The following GDF6 variants were observed in gnomAD, a reference collection of about 807,000 sequenced individuals.
The protein encoded by GDF6 is growth differentiation factor 6.
Under a neutral mutation model 32.4 loss-of-function variants are expected in GDF6, and 3 were observed. The ratio of observed to expected loss-of-function variants is 0.09; its 90% CI spans 0.04 to 0.24. The LOEUF is 0.24. Ranked by LOEUF, GDF6 falls within the 10% of genes least tolerant of loss-of-function variation. GDF6 has a pLI of 1.00. For missense variants in GDF6, 589 were observed against 637.9 expected, an observed-to-expected ratio of 0.92 and a Z score of 0.83; for synonymous variants, 296 against 295.3, an observed-to-expected ratio of 1.00 and a Z score of -0.03.
intron 1 of GDF6, among the ~76,000 whole-genome samples, chr8:96,158,411 A>T (rs1363123069): frequency 6.6e-6 from 1 of 152,194 alleles, no homozygotes; most frequent in Non-Finnish European, 1.5e-5. Context: ...CCCTTGTCTG[A>T]ATGCCACAGG....
rs1369101524 is a variant in GDF6, at chr8:96,160,795, G to A, written c.-103C>T. ...CGGCCGGGGCCCGGCTCCTCGGGCG[G>A]ACTCGGAGTGCGAGGAGCCGGGTCC... is the stretch of plus-strand genomic sequence containing the variant. On this transcript the variant is annotated 5_prime_UTR_variant, in exon 1 of 2. Coordinates refer to ENST00000287020, the MANE Select transcript of GDF6 (RefSeq NM_001001557.4). 4.5e-6 allele frequency: 5 copies of A among 1,120,138 alleles called. No individual in the cohort carries two copies. The highest frequency in any genetic ancestry group is 1.6e-5 in the African/African-American group (1 of 61,510). The allele number at this position is 1,120,138 out of a possible 1,614,324, so 69.4% of individuals were successfully genotyped here. A position where few individuals can be genotyped will look rare whatever the true frequency, so the allele number is the denominator to read the frequency against.
chr8:96,160,494 G>C lies in GDF6; in HGVS notation c.199C>G (p.Pro67Ala). The C allele has an allele frequency of 6.2e-7, 1 of 1,612,968 alleles. No homozygotes were observed. The highest frequency in any genetic ancestry group is 8.5e-7 in the Non-Finnish European group (1 of 1,179,476). Reference sequence around the variant, plus strand: ...GGTTCGTCCTGAGGCCGCGGCTGTGGTTCCTGGCCCTCCCGGCCCGCGTCA... The same window carrying C: ...GGTTCGTCCTGAGGCCGCGGCTGTGCTTCCTGGCCCTCCCGGCCCGCGTCA... ...DSDAGREGQE[P>A]QPRPQDEPRA... is the part of the protein sequence containing the mutation. Residue 67 changes from proline (P) to alanine (A), a missense_variant, in exon 1 of 2, where the codon CCA becomes GCA. Physicochemically the swap from Pro to Ala is conservative, Grantham distance 27. Coordinates refer to ENST00000287020, the MANE Select transcript of GDF6 (RefSeq NM_001001557.4).
intron 1 of GDF6, among the ~76,000 whole-genome samples, chr8:96,153,124 T>G (rs1419210750): frequency 6.6e-6 from 1 of 152,368 alleles, no homozygotes; most frequent in East Asian, 1.9e-4. Context: ...CAGTGCTGGC[T>G]GGGGAGAAGC....
intron 1 of GDF6, among the ~76,000 whole-genome samples, chr8:96,155,245 C>A: frequency 6.6e-6 from 1 of 152,386 alleles, no homozygotes; most frequent in African/African-American, 2.4e-5. Flanking sequence ...GGAAACTCGC[C>A]AAGAATCCCT....
Position 96,142,489 on chromosome 8 carries a change from C to A in GDF6, c.*2074G>T, listed in dbSNP as rs1812389216. On this transcript the variant is annotated 3_prime_UTR_variant, in exon 2 of 2. Coordinates refer to ENST00000287020, the MANE Select transcript of GDF6 (RefSeq NM_001001557.4). ...AGGTAGACAGTTTAAAAAAAACTCT[C>A]CATTAGACAGACTTAAAATTTTGTA... The A allele has an allele frequency of 6.6e-6, 1 of 152,364 alleles. No individual in the cohort carries two copies. Among genetic ancestry groups the A allele is most frequent in the African/African-American group, 2.4e-5 (1 of 41,390 alleles). 9.4% of individuals were successfully genotyped at this position (152,364 alleles called of 1,614,324 possible).
At position 96,145,219 on chromosome 8, in the gene GDF6, C is replaced by CTGG; in HGVS notation, c.711_712insCCA (p.Trp237_Gly238insPro). 2 of 1,511,474 alleles carry CTGG rather than the reference C, an allele frequency of 1.3e-6. No homozygotes were observed. Among genetic ancestry groups the CTGG allele is most frequent in the African/African-American group, 2.9e-5 (2 of 69,642 alleles). 93.6% of individuals were successfully genotyped at this position (1,511,474 alleles called of 1,614,324 possible). ...TCGGCCTCCCCGGCGTCCAGCTCGC[C>CTGG]CCATGCGGCCCGCAGCTCCAAGCAC... On this transcript the variant is annotated inframe_insertion, in exon 2 of 2. Transcript: ENST00000287020. This position sits in a 1 kb window ranked among gnomAD's most constrained non-coding sequence, Gnocchi z 5.6.
chr8:96,157,006 C>T (rs1554572277), intron 1 of GDF6, among the ~76,000 whole-genome samples: 2 of 152,194 alleles, frequency 1.3e-5, no homozygotes, highest in Non-Finnish European at 2.9e-5. Flanking sequence ...TTGCTTAACT[C>T]CTCTGTCTTC....
rs921410580 is a variant in GDF6, at chr8:96,142,581, A to G, written c.*1982T>C. 4 of 152,684 alleles carry G rather than the reference A, an allele frequency of 2.6e-5. No individual in the cohort carries two copies. The highest frequency in any genetic ancestry group is 6.5e-5 in the Admixed American group (1 of 15,290). 9.5% of individuals were successfully genotyped at this position (152,684 alleles called of 1,614,324 possible). A position where few individuals can be genotyped will look rare whatever the true frequency, so the allele number is the denominator to read the frequency against. ...ATCTGATTAATGCTTAACTTTGTAC[A>G]ACTCGAATATAAACTTTAAAAATAT... is the stretch of plus-strand genomic sequence containing the variant. On this transcript the variant is annotated 3_prime_UTR_variant, in exon 2 of 2. Coordinates refer to ENST00000287020, the MANE Select transcript of GDF6 (RefSeq NM_001001557.4).
intron 1 of GDF6, among the ~76,000 whole-genome samples, chr8:96,156,793 C>T (rs1563513383): frequency 6.6e-6 from 1 of 152,204 alleles, no homozygotes; most frequent in Non-Finnish European, 1.5e-5. Flanking sequence ...GTTTCACTCA[C>T]ACTCCTAACT....
At chr8:96,150,286 C>T (rs1291773924) in intron 1 of GDF6, among the ~76,000 whole-genome samples, 2 of 152,240 alleles carry the variant, frequency 1.3e-5, no homozygotes, top group Non-Finnish European at 1.5e-5. Context: ...CCCGCCACGC[C>T]TCCCAGCCAT....
At chr8:96,148,031 A>T (rs1432419880) in intron 1 of GDF6, among the ~76,000 whole-genome samples, 2 of 152,226 alleles carry the variant, frequency 1.3e-5, no homozygotes, top group Admixed American at 1.3e-4. Context: ...ATAAATGATT[A>T]ATTTGCACAG....
chr8:96,146,681 TACACAC>T lies in GDF6; in HGVS notation c.407-1163_407-1158del, dbSNP rs370283680. The stretch of plus-strand genomic sequence containing the variant: ...AAAACCTCAGCCAGGGACAATTAGA[TACACAC>T]ACACACACACACACACACACAGAGA... On this transcript the variant is annotated intron_variant, in intron 1 of 1. Coordinates refer to ENST00000287020, the MANE Select transcript of GDF6 (RefSeq NM_001001557.4). Among the ~76,000 whole-genome samples the T allele has an allele frequency of 1.9e-3, 281 of 146,280 alleles. 1 individual carries two copies. Among genetic ancestry groups the T allele is most frequent in the African/African-American group, 6.7e-3 (261 of 38,824 alleles).
intron 1 of GDF6, among the ~76,000 whole-genome samples, chr8:96,147,727 C>T (rs1316186389): frequency 6.6e-6 from 1 of 152,210 alleles, no homozygotes; most frequent in African/African-American, 2.4e-5. Flanking sequence ...GCCCCTAAAC[C>T]CCACTGCCTC....
At position 96,149,116 on chromosome 8, in the gene GDF6, A is replaced by G. The variant is rs192098441; in HGVS notation, c.407-3592T>C. 6.6e-5 allele frequency among the ~76,000 whole-genome samples: 10 copies of G among 152,258 alleles called. No homozygotes were observed. In the East Asian group the frequency reaches 1.5e-3, roughly 24 times the overall value. ...CTCCGTTCCAAAAGCCTCCTCTCCC[A>G]TTAAGTCTTGTATAAATGAAGACTG... On this transcript the variant is annotated intron_variant, in intron 1 of 1. Transcript: ENST00000287020.
At chr8:96,154,213 C>T (rs1044338619) in intron 1 of GDF6, among the ~76,000 whole-genome samples, 1 of 152,110 alleles carries the variant, frequency 6.6e-6, no homozygotes, top group Non-Finnish European at 1.5e-5. Context: ...GCCTCTTTCA[C>T]GCCCACTCTC....
chr8:96,144,465 C>A lies in GDF6; in HGVS notation c.*98G>T. ...TTCCCTCACCCTCAGCCTCCCCCAG[C>A]GCCAGCTTCCTCCTCCGCCTCTCTG... On this transcript the variant is annotated 3_prime_UTR_variant, in exon 2 of 2. Coordinates refer to ENST00000287020, the MANE Select transcript of GDF6 (RefSeq NM_001001557.4). The surrounding 1 kb of genome is among the most constrained non-coding windows in gnomAD (Gnocchi z 5.1). 6.9e-7 allele frequency: 1 copy of A among 1,456,892 alleles called. No individual in the cohort carries two copies. The highest frequency in any genetic ancestry group is 1.3e-5 in the South Asian group (1 of 77,910). 90.2% of individuals were successfully genotyped at this position (1,456,892 alleles called of 1,614,324 possible).
At chr8:96,153,374 A>C (rs1265260599) in intron 1 of GDF6, among the ~76,000 whole-genome samples, 1 of 152,230 alleles carries the variant, frequency 6.6e-6, no homozygotes, top group African/African-American at 2.4e-5. Context: ...ACAGCGGCTC[A>C]AATCTTAATT....
chr8:96,147,971 GA>G (rs1812511286), intron 1 of GDF6, among the ~76,000 whole-genome samples: 1 of 152,150 alleles, frequency 6.6e-6, no homozygotes, highest in African/African-American at 2.4e-5. Flanking sequence ...CAATATGGGG[GA>G]AATCAGCCTG....
intron 1 of GDF6, among the ~76,000 whole-genome samples, chr8:96,158,199 A>T (rs1236989489): frequency 6.6e-6 from 1 of 152,000 alleles, no homozygotes; most frequent in Non-Finnish European, 1.5e-5. Flanking sequence ...GTACTTGTGG[A>T]TCTCGGTCCT....
Sources: gnomAD v4.1 joint callset for allele counts (sites outside exome capture counted in the v4.1 genomes callset) on GRCh38, gnomAD v4.1.1 for gene constraint, Gnocchi (gnomAD v3.1) non-coding constraint, MANE v1.5 for transcripts, NCBI Gene and HGNC (gene_info 2026-07-23, HGNC 2026-07-21) for gene names.